FCRL4: variants seen among roughly 807,000 people sequenced by gnomAD.
FCRL4 encodes Fc receptor-like protein 4.
A neutral mutation model predicts 64.1 loss-of-function variants in FCRL4; 43 were observed. The observed-to-expected ratio is 0.67, with a 90% CI of 0.53 to 0.87. The LOEUF (loss-of-function observed/expected upper bound fraction) is 0.87, where lower values mean the gene tolerates loss of function less well. FCRL4 is among the 40% of genes least tolerant of loss of function. The pLI is 0.00. For missense variants in FCRL4, 656 were observed against 613.5 expected, an observed-to-expected ratio of 1.07 and a Z score of -0.73; for synonymous variants, 253 against 239.8, an observed-to-expected ratio of 1.05 and a Z score of -0.51.
chr1:157,578,523 A>T lies in FCRL4; in HGVS notation c.1380T>A (p.Asp460Glu). ...TAGTCTGGATCTCAGAGTATACCAA[A>T]TCTCCCTTTTTGGGGTGTACTGGAA... ...LYVDVHPKKG[D>E]LVYSEIQTTQ... is the part of the protein sequence containing the mutation. The change falls in exon 10 of 12, where the codon GAT becomes GAA. Residue 460 changes from aspartate to glutamate, a missense_variant. Coordinates refer to ENST00000271532, the MANE Select transcript of FCRL4 (RefSeq NM_031282.3). 2 of 1,613,886 alleles carry T rather than the reference A, an allele frequency of 1.2e-6. No individual in the cohort carries two copies. The highest frequency in any genetic ancestry group is 1.7e-6 in the Non-Finnish European group (2 of 1,179,804).
At chr1:157,586,655 G>C (rs1652704844) in intron 5 of FCRL4, among the ~76,000 whole-genome samples, 200 bp from the exon 6 acceptor site, 1 of 152,122 alleles carries the variant, frequency 6.6e-6, no homozygotes, top group Non-Finnish European at 1.5e-5. Context: ...GATATACGAG[G>C]CCCCAGGAAA....
Position 157,587,412 on chromosome 1 carries a change from C to T in FCRL4, c.711G>A (p.Leu237=). The T allele has an allele frequency of 2.5e-6, 4 of 1,614,240 alleles. No individual in the cohort carries two copies. The highest frequency in any genetic ancestry group is 3.4e-6 in the Non-Finnish European group (4 of 1,180,042). The stretch of plus-strand genomic sequence containing the variant: ...GTTCCGGGTACGTGCTCCAGTCTGA[C>T]AGGATGACCTCGCCATCTCTGAAGA... ...FNFFRDGEVI[L]SDWSTYPELQ... is the part of the protein sequence containing the mutation. The change falls in exon 5 of 12, where the codon CTG becomes CTA. Residue 237 remains leucine, a synonymous_variant. Transcript: ENST00000271532.
At chr1:157,592,043 T>C (rs1189685785) in intron 2 of FCRL4, among the ~76,000 whole-genome samples, 1 of 152,222 alleles carries the variant, frequency 6.6e-6, no homozygotes, top group African/African-American at 2.4e-5. Flanking sequence ...GCTAGCCATA[T>C]GTAGAAAGCT....
Position 157,575,727 on chromosome 1 carries a change from T to C in FCRL4, c.1433A>G (p.Asn478Ser), listed in dbSNP as rs1457120724. Residue 478 changes from asparagine (N) to serine (S), a missense_variant, in exon 11 of 12, where the codon AAT becomes AGT. Coordinates refer to ENST00000271532, the MANE Select transcript of FCRL4 (RefSeq NM_031282.3). Reference protein sequence around the residue: ...TTQLGEEEEANTSRTLLEDKD... With the variant: ...TTQLGEEEEASTSRTLLEDKD... ...ATCCTCTAGAAGTGTCCTGGAGGTA[T>C]TAGCTGTGGACAGAAAGAGAATCAC... The C allele has an allele frequency of 6.2e-7, 1 of 1,613,602 alleles. No homozygotes were observed. Among genetic ancestry groups the C allele is most frequent in the East Asian group, 2.2e-5 (1 of 44,888 alleles).
chr1:157,581,778 G>T, intron 6 of FCRL4, 134 bp from the exon 7 acceptor site: 1 of 670,674 alleles, frequency 1.5e-6, no homozygotes, highest in Non-Finnish European at 2.5e-6. Context: ...AAGACATCTT[G>T]GGCCAGGTTT....
rs142666318 is a variant in FCRL4, at chr1:157,588,384, T to C, written c.308-265A>G. On this transcript the variant is annotated intron_variant, in intron 3 of 11. Transcript: ENST00000271532. ...GGAGAATAAAAGCTGAGAGAAGGTG[T>C]GATCAAAATCTCTGACATGATAGAG... Among the ~76,000 whole-genome samples, 1,355 of 152,286 alleles carry C rather than the reference T, an allele frequency of 8.9e-3. 9 individuals carry two copies. Among genetic ancestry groups the C allele is most frequent in the Middle Eastern group, 0.014 (4 of 294 alleles).
intron 1 of FCRL4, among the ~76,000 whole-genome samples, 200 bp downstream of exon 1, chr1:157,597,714 T>C (rs998724627): frequency 6.6e-6 from 1 of 152,184 alleles, no homozygotes; most frequent in Non-Finnish European, 1.5e-5. Flanking sequence ...ATAGCAAAAA[T>C]AGATGAGAAA....
Position 157,587,573 on chromosome 1 carries a change from G to A in FCRL4, c.563-13C>T. On this transcript the variant is annotated splice_polypyrimidine_tract_variant and intron_variant, in intron 4 of 11. Coordinates refer to ENST00000271532, the MANE Select transcript of FCRL4 (RefSeq NM_031282.3). Reference sequence around the variant, plus strand: ...TGTGGAAATAGTTCTAGAGAGAAGAGGTAAGTCAAGTTCTGAGCACGAGAG... The same window carrying A: ...TGTGGAAATAGTTCTAGAGAGAAGAAGTAAGTCAAGTTCTGAGCACGAGAG... The A allele has an allele frequency of 6.2e-7, 1 of 1,610,690 alleles. No individual in the cohort carries two copies. Among genetic ancestry groups the A allele is most frequent in the South Asian group, 1.1e-5 (1 of 90,946 alleles).
intron 10 of FCRL4, among the ~76,000 whole-genome samples, chr1:157,577,928 C>T (rs1366489783): frequency 2.6e-5 from 4 of 152,116 alleles, no homozygotes; most frequent in East Asian, 1.9e-4. Context: ...AAAGGTTGCT[C>T]GAGACTTACC....
intron 3 of FCRL4, among the ~76,000 whole-genome samples, chr1:157,588,593 C>T (rs114160671): frequency 0.011 from 1,684 of 152,296 alleles, 18 homozygotes; most frequent in Non-Finnish European, 0.017. Flanking sequence ...ATGGGAATTC[C>T]ATGCTGTTCA....
intron 2 of FCRL4, among the ~76,000 whole-genome samples, chr1:157,595,593 T>C (rs1263324564): frequency 6.6e-6 from 1 of 152,222 alleles, no homozygotes; most frequent in Non-Finnish European, 1.5e-5. Flanking sequence ...CATTTCCCCA[T>C]TCTAGAACCA....
Position 157,589,362 on chromosome 1 carries a change from T to C in FCRL4, c.149A>G (p.Tyr50Cys). 1.9e-6 allele frequency: 3 copies of C among 1,614,182 alleles called. No homozygotes were observed. Among genetic ancestry groups the C allele is most frequent in the African/African-American group, 1.3e-5 (1 of 75,054 alleles). Residue 50 changes from tyrosine (Y) to cysteine (C), a missense_variant, in exon 3 of 12, where the codon TAT becomes TGT. Physicochemically the swap from Tyr to Cys is radical, Grantham distance 194 (BLOSUM62 -2). Coordinates refer to ENST00000271532, the MANE Select transcript of FCRL4 (RefSeq NM_031282.3). ...ATACCATGTTGTTTTCTCTGTTGCA[T>C]AGAACTGAAATCCATTGCAAGTCAG... ...VTLTCNGFQF[Y>C]ATEKTTWYHR...
In FCRL4 at chr1:157,574,485, G is replaced by A. The variant is rs1652356689; in HGVS notation, c.*1039C>T. ...TTTGTCAATTATTTAACCAGTAGGT[G>A]TATCATGAAATATCCATACAAATTT... On this transcript the variant is annotated 3_prime_UTR_variant, in exon 12 of 12. Transcript: ENST00000271532. 4.7e-6 allele frequency: 1 copy of A among 211,098 alleles called. No homozygotes were observed. Among genetic ancestry groups the A allele is most frequent in the African/African-American group, 2.3e-5 (1 of 44,130 alleles). The allele number at this position is 211,098 out of a possible 1,614,324, so 13.1% of individuals were successfully genotyped here. A position where few individuals can be genotyped will look rare whatever the true frequency, so the allele number is the denominator to read the frequency against.
chr1:157,582,747 G>T (rs1036417953), intron 6 of FCRL4, among the ~76,000 whole-genome samples: 1 of 152,138 alleles, frequency 6.6e-6, no homozygotes, highest in East Asian at 1.9e-4. Flanking sequence ...CCTATGAGTG[G>T]TTCCACTAAT....
At chr1:157,590,105 T>A in intron 2 of FCRL4, among the ~76,000 whole-genome samples, 1 of 152,192 alleles carries the variant, frequency 6.6e-6, no homozygotes. Context: ...TAAATATGCA[T>A]AAAAACCCTT....
chr1:157,581,526 C>T lies in FCRL4; in HGVS notation c.1249+5G>A. 2.5e-6 allele frequency: 4 copies of T among 1,613,168 alleles called. No individual in the cohort carries two copies. Among genetic ancestry groups the T allele is most frequent in the Non-Finnish European group, 2.5e-6 (3 of 1,179,410 alleles). ...AGGAACTGTGGCAAAGAAAAGAGCA[C>T]AAACCTGACTTCCTCCGACGCCAGC... On this transcript the variant is annotated splice_donor_5th_base_variant and intron_variant, in intron 7 of 11. Transcript: ENST00000271532.
intron 2 of FCRL4, among the ~76,000 whole-genome samples, chr1:157,593,002 C>T (rs1057041064): frequency 2.0e-5 from 3 of 152,260 alleles, no homozygotes; most frequent in East Asian, 1.9e-4. Context: ...AACCAAACAC[C>T]GCATGTTCTC....
intron 1 of FCRL4, 57 bp from the exon 2 acceptor site, chr1:157,596,405 C>T: frequency 6.3e-7 from 1 of 1,597,090 alleles, no homozygotes; most frequent in Non-Finnish European, 8.6e-7. Flanking sequence ...GAACTATTCA[C>T]CCTGAGAGCC....
intron 6 of FCRL4, among the ~76,000 whole-genome samples, chr1:157,583,933 C>A (rs1652617700): frequency 6.6e-6 from 1 of 152,186 alleles, no homozygotes; most frequent in Non-Finnish European, 1.5e-5. Context: ...TCTTTGAGAT[C>A]ATCTGTTTCC....
Sources: gnomAD v4.1 joint callset for allele counts (sites outside exome capture counted in the v4.1 genomes callset) on GRCh38, gnomAD v4.1.1 for gene constraint, MANE v1.5 for transcripts, NCBI Gene and HGNC (gene_info 2026-07-23, HGNC 2026-07-21) for gene names.